The following EIF2S2 variants were observed in gnomAD, a reference collection of about 807,000 sequenced individuals.
EIF2S2 encodes eukaryotic translation initiation factor 2 subunit beta, also known as eukaryotic translation initiation factor 2 subunit 2.
Under a neutral mutation model 44.0 loss-of-function variants are expected in EIF2S2, and 4 were observed. The observed-to-expected ratio is 0.09, with a 90% CI of 0.04 to 0.21. EIF2S2 has a LOEUF of 0.21. Among genes scored for constraint, EIF2S2 ranks in the 10% least tolerant of loss-of-function variants. The pLI, the probability that EIF2S2 is intolerant of heterozygous loss-of-function variation, is 1.00. For synonymous variants in EIF2S2, 108 were observed against 128.3 expected, an observed-to-expected ratio of 0.84 and a Z score of 1.07; for missense variants, 154 against 392.0, an observed-to-expected ratio of 0.39 and a Z score of 5.13.
rs908623044 is a variant in EIF2S2, at chr20:34,093,629, A to T, written c.740+46T>A. The T allele has an allele frequency of 8.7e-6, 13 of 1,491,260 alleles. No individual in the cohort carries two copies. The East Asian group carries it at 3.0e-4, about 34-fold the overall frequency. The allele number at this position is 1,491,260 out of a possible 1,614,324, so 92.4% of individuals were successfully genotyped here. A position where few individuals can be genotyped will look rare whatever the true frequency, so the allele number is the denominator to read the frequency against. On this transcript the variant is annotated intron_variant, in intron 7 of 8. Transcript: ENST00000374980. ...CATATCCTTTTCAAGAAAGGTTCTTATGAAATGTCCAGCAGTACTGTATGT... is the reference window on the plus strand; with the variant it reads ...CATATCCTTTTCAAGAAAGGTTCTTTTGAAATGTCCAGCAGTACTGTATGT...
At chr20:34,093,962 C>G (rs1272434121) in intron 6 of EIF2S2, among the ~76,000 whole-genome samples, 1 of 152,158 alleles carries the variant, frequency 6.6e-6, no homozygotes, top group South Asian at 2.1e-4. Context: ...ATGATCATAG[C>G]TCACTGTAAC....
chr20:34,095,643 A>G (rs2034219613), intron 6 of EIF2S2, among the ~76,000 whole-genome samples: 1 of 152,186 alleles, frequency 6.6e-6, no homozygotes, highest in Admixed American at 6.5e-5. Flanking sequence ...GACTTTGCAG[A>G]TGATTTTCCA....
At chr20:34,104,633 A>G (rs2034328288) in intron 2 of EIF2S2, among the ~76,000 whole-genome samples, 1 of 152,240 alleles carries the variant, frequency 6.6e-6, no homozygotes, top group Non-Finnish European at 1.5e-5. Context: ...TTTACCTACC[A>G]TTAATGAGTA....
intron 1 of EIF2S2, among the ~76,000 whole-genome samples, chr20:34,106,183 G>C (rs1308366758): frequency 2.0e-5 from 3 of 151,872 alleles, no homozygotes; most frequent in African/African-American, 7.3e-5. Flanking sequence ...GCCACACAAA[G>C]CAATGGAATT....
intron 7 of EIF2S2, among the ~76,000 whole-genome samples, chr20:34,090,924 T>C (rs1405763345): frequency 6.6e-6 from 1 of 152,086 alleles, no homozygotes; most frequent in African/African-American, 2.4e-5. Context: ...AATTTTTTTT[T>C]TTTGGTAGAG....
intron 6 of EIF2S2, among the ~76,000 whole-genome samples, chr20:34,096,198 C>G (rs140346467): frequency 3.6e-4 from 55 of 152,096 alleles, no homozygotes; most frequent in African/African-American, 1.2e-3. Context: ...AGGATCCATC[C>G]TCAGTGGGTC....
At chr20:34,111,327 C>T (rs2034409577) in intron 1 of EIF2S2, among the ~76,000 whole-genome samples, 1 of 152,194 alleles carries the variant, frequency 6.6e-6, no homozygotes, top group Non-Finnish European at 1.5e-5. Context: ...GAGTACTTAA[C>T]ATCAACTTCA....
In EIF2S2 at chr20:34,100,662, T is replaced by C. The variant is rs187279810; in HGVS notation, c.298-2029A>G. ...AAGAACAAATATTTATTTTTTATTA[T>C]ATGACAGTCAGCCTGGCACCAGTCT... On this transcript the variant is annotated intron_variant, in intron 3 of 8. Transcript: ENST00000374980. 4.0e-3 allele frequency among the ~76,000 whole-genome samples: 609 copies of C among 152,294 alleles called. 9 individuals carry two copies. The highest frequency in any genetic ancestry group is 0.014 in the African/African-American group (582 of 41,548).
At chr20:34,103,112 G>A (rs957831686) in intron 3 of EIF2S2, among the ~76,000 whole-genome samples, 2 of 152,148 alleles carry the variant, frequency 1.3e-5, no homozygotes, top group Non-Finnish European at 2.9e-5. Flanking sequence ...TATTCAATAT[G>A]TTACCAAAAG....
At chr20:34,101,864 G>A (rs2034299677) in intron 3 of EIF2S2, among the ~76,000 whole-genome samples, 1 of 151,860 alleles carries the variant, frequency 6.6e-6, no homozygotes, top group Non-Finnish European at 1.5e-5. Context: ...TAGTAGAGAT[G>A]GGGTTTCACC....
intron 2 of EIF2S2, among the ~76,000 whole-genome samples, 159 bp from the exon 3 acceptor site, chr20:34,103,724 T>G (rs1568717678): frequency 6.6e-6 from 1 of 151,838 alleles, no homozygotes; most frequent in African/African-American, 2.4e-5. Context: ...TTTTTTTTTT[T>G]GAGATGGAGT....
At chr20:34,112,073 T>C (rs1294584518) in intron 1 of EIF2S2, 23 bp downstream of exon 1, 3 of 1,543,700 alleles carry the variant, frequency 1.9e-6, no homozygotes, top group Non-Finnish European at 2.6e-6. Context: ...TCCTTAGCCC[T>C]TACGCCGGGC....
In EIF2S2 at chr20:34,089,651, C is replaced by T. The variant is rs1418044574; in HGVS notation, c.*79G>A. ...CAGCTTTTTTATCTTGTTTTTAATA[C>T]AACGGTATATCCACTCTGATGGCAA... On this transcript the variant is annotated 3_prime_UTR_variant, in exon 9 of 9. Coordinates refer to ENST00000374980, the MANE Select transcript of EIF2S2 (RefSeq NM_003908.5). 6.8e-7 allele frequency: 1 copy of T among 1,479,188 alleles called. No homozygotes were observed. Among genetic ancestry groups the T allele is most frequent in the South Asian group, 1.3e-5 (1 of 74,432 alleles). 91.6% of individuals were successfully genotyped at this position (1,479,188 alleles called of 1,614,324 possible).
At chr20:34,094,383 C>A (rs1420930578) in intron 6 of EIF2S2, among the ~76,000 whole-genome samples, 1 of 152,060 alleles carries the variant, frequency 6.6e-6, no homozygotes, top group African/African-American at 2.4e-5. Context: ...CCACCTTTTT[C>A]TTTTGTTTTT....
At chr20:34,107,009 G>A (rs923921965) in intron 1 of EIF2S2, among the ~76,000 whole-genome samples, 2 of 151,916 alleles carry the variant, frequency 1.3e-5, no homozygotes, top group African/African-American at 4.8e-5. Context: ...GTAAAACCCC[G>A]TCTCTACTAA....
chr20:34,093,451 T>C (rs1053299499), intron 7 of EIF2S2, among the ~76,000 whole-genome samples: 1 of 152,232 alleles, frequency 6.6e-6, no homozygotes, highest in Non-Finnish European at 1.5e-5. Flanking sequence ...TCTGTGGTCC[T>C]CTGGTTGGTA....
intron 1 of EIF2S2, among the ~76,000 whole-genome samples, chr20:34,107,025 C>CA (rs1238622721): frequency 6.6e-6 from 1 of 151,910 alleles, no homozygotes; most frequent in Non-Finnish European, 1.5e-5. Context: ...ACTAAAAATA[C>CA]AAAAAATTAG....
chr20:34,107,992 A>G (rs2034368730), intron 1 of EIF2S2, among the ~76,000 whole-genome samples: 1 of 152,184 alleles, frequency 6.6e-6, no homozygotes, highest in Admixed American at 6.5e-5. Context: ...TAATACAGGG[A>G]AGTAGCTACA....
chr20:34,098,241 C>A lies in EIF2S2; in HGVS notation c.433+257G>T, dbSNP rs952087009. Among the ~76,000 whole-genome samples the A allele has an allele frequency of 2.0e-5, 3 of 148,270 alleles. No individual in the cohort carries two copies. In the South Asian group the frequency reaches 6.4e-4, roughly 31 times the overall value. ...AGCCTGGGCGACAAGAGTGAGACTC[C>A]GTCTCAAAAAAAAAAAAAAAATCCG... On this transcript the variant is annotated intron_variant, in intron 4 of 8. Coordinates refer to ENST00000374980, the MANE Select transcript of EIF2S2 (RefSeq NM_003908.5).
Sources: allele counts gnomAD v4.1 joint callset (sites outside exome capture counted in the v4.1 genomes callset), GRCh38; gene constraint gnomAD v4.1.1; transcripts MANE v1.5; gene names NCBI Gene and HGNC (gene_info 2026-07-23, HGNC 2026-07-21).